The following HTRA3 variants were observed in gnomAD, a reference collection of about 807,000 sequenced individuals.
The protein encoded by HTRA3 is HtrA serine peptidase 3, also known as serine protease HTRA3.
A neutral mutation model predicts 43.2 loss-of-function variants in HTRA3; 41 were observed. The ratio of observed to expected loss-of-function variants is 0.95; its 90% CI spans 0.74 to 1.23. HTRA3 has a LOEUF of 1.23. Among genes scored for constraint, HTRA3 ranks in the 50% most tolerant of loss-of-function variants. The pLI is 0.00. For missense variants in HTRA3, 628 were observed against 647.1 expected, an observed-to-expected ratio of 0.97 and a Z score of 0.32; for synonymous variants, 295 against 287.9, an observed-to-expected ratio of 1.02 and a Z score of -0.25.
At chr4:8,278,765 C>A (rs1039878761) in intron 1 of HTRA3, among the ~76,000 whole-genome samples, 2 of 152,214 alleles carry the variant, frequency 1.3e-5, no homozygotes, top group African/African-American at 4.8e-5. Context: ...CAGCGCCAGG[C>A]CTGCCCTCCC....
rs76982002 is a variant in HTRA3 at position 8,285,351 on chromosome 4, G to A, written c.486-1210G>A. ...CTGCCTGCCTCAGAGGGAGCACAGG[G>A]TGGCATTCGCTGCCATCTCTGGTCC... On this transcript the variant is annotated intron_variant, in intron 2 of 8. Coordinates refer to ENST00000307358, the MANE Select transcript of HTRA3 (RefSeq NM_053044.5). 5.6e-3 allele frequency among the ~76,000 whole-genome samples: 850 copies of A among 152,316 alleles called. 7 individuals are homozygous for A. The highest frequency in any genetic ancestry group is 9.0e-3 in the Non-Finnish European group (613 of 68,038).
chr4:8,302,511 GGTGA>G lies in HTRA3; in HGVS notation c.1100+4_1100+7del, dbSNP rs1713691281. The G allele has an allele frequency of 6.2e-7, 1 of 1,613,782 alleles. No homozygotes were observed. Among genetic ancestry groups the G allele is most frequent in the African/African-American group, 1.3e-5 (1 of 74,860 alleles). On this transcript the variant is annotated splice_donor_variant and splice_donor_region_variant and intron_variant, in intron 7 of 8. Transcript: ENST00000307358. LOFTEE classifies it high-confidence loss of function. ...ATACGGATGCGGACGATCACACCAAGGTGAGTGTCTGAAGAGTGCCATCCCCTGC... is the reference window on the plus strand; with the variant it reads ...ATACGGATGCGGACGATCACACCAAGGTGTCTGAAGAGTGCCATCCCCTGC...
intron 4 of HTRA3, among the ~76,000 whole-genome samples, 156 bp downstream of exon 4, chr4:8,291,720 G>A (rs942407841): frequency 2.6e-5 from 4 of 152,200 alleles, no homozygotes; most frequent in Non-Finnish European, 5.9e-5. Flanking sequence ...ATTCGGTGGA[G>A]CTCTAACCCT....
chr4:8,292,247 C>G (rs4235258), intron 4 of HTRA3, 74 bp from the exon 5 acceptor site: 6 of 1,326,178 alleles, frequency 4.5e-6, no homozygotes, highest in Non-Finnish European at 6.4e-6. Context: ...TGGTTAGAGG[C>G]AGATCTGGAG....
intron 1 of HTRA3, among the ~76,000 whole-genome samples, chr4:8,280,946 G>A (rs1399213431): frequency 1.3e-5 from 2 of 152,206 alleles, no homozygotes; most frequent in African/African-American, 4.8e-5. Flanking sequence ...GGAGCTGCAG[G>A]GCAGAGGTGG....
At chr4:8,298,585 G>C (rs949592177) in intron 6 of HTRA3, among the ~76,000 whole-genome samples, 2 of 151,982 alleles carry the variant, frequency 1.3e-5, no homozygotes, top group African/African-American at 4.8e-5. Flanking sequence ...CCCAAGATCA[G>C]AAAGATTTTT....
At chr4:8,276,771 T>G (rs1394087930) in intron 1 of HTRA3, among the ~76,000 whole-genome samples, 3 of 152,218 alleles carry the variant, frequency 2.0e-5, no homozygotes, top group African/African-American at 7.2e-5. Flanking sequence ...GTTGAGCTTT[T>G]CTGGGGCTGG....
At position 8,296,589 on chromosome 4, in the gene HTRA3, T is replaced by C. The variant is rs114696008; in HGVS notation, c.1051+2388T>C. The C allele has an allele frequency of 2.4e-3, 2,260 of 945,594 alleles. 47 individuals carry two copies. The African/African-American group carries it at 0.037, about 16-fold the overall frequency. The allele number at this position is 945,594 out of a possible 1,614,324, so 58.6% of individuals were successfully genotyped here. ...GGGTGCAGAGGCCTCTGAGGGGCTT[T>C]CAGGGTAAAGAGTGGCCACCATGCA... On this transcript the variant is annotated intron_variant, in intron 6 of 8. Coordinates refer to ENST00000307358, the MANE Select transcript of HTRA3 (RefSeq NM_053044.5). This position sits in a 1 kb window ranked among gnomAD's most constrained non-coding sequence, Gnocchi z 5.3.
intron 1 of HTRA3, 100 bp downstream of exon 1, chr4:8,270,453 C>T: frequency 2.4e-6 from 3 of 1,274,086 alleles, no homozygotes; most frequent in Non-Finnish European, 3.0e-6. Context: ...TCCCTGGGCA[C>T]CACCGGGTGG....
intron 1 of HTRA3, among the ~76,000 whole-genome samples, chr4:8,276,658 G>A (rs1004932812): frequency 2.0e-5 from 3 of 152,228 alleles, no homozygotes; most frequent in South Asian, 2.1e-4. Flanking sequence ...GCAGGCTGGC[G>A]GCAGCACCTC....
chr4:8,272,605 T>C (rs535922205), intron 1 of HTRA3, among the ~76,000 whole-genome samples: 51 of 152,332 alleles, frequency 3.3e-4, no homozygotes, highest in Admixed American at 9.8e-4. Flanking sequence ...TTTCATATGT[T>C]GTTATCACTG....
intron 1 of HTRA3, among the ~76,000 whole-genome samples, chr4:8,280,106 G>A (rs990006475): frequency 6.6e-6 from 1 of 152,200 alleles, no homozygotes; most frequent in African/African-American, 2.4e-5. Context: ...GGTCGTGCAG[G>A]GGGAGGTGTA....
In HTRA3 at chr4:8,270,310, C is replaced by G; in HGVS notation, c.342C>G (p.Ser114=). ...CCAGCCGCCGCGCGCTGCAGCTCTC[C>G]GGGACGCCCGTGCGCCAGCTGCAGA... ...QAASRRALQL[S]GTPVRQLQKG... The change falls in exon 1 of 9, where the codon TCC becomes TCG. Residue 114 remains serine (S), a synonymous_variant. Coordinates refer to ENST00000307358, the MANE Select transcript of HTRA3 (RefSeq NM_053044.5). 1.4e-6 allele frequency: 2 copies of G among 1,466,830 alleles called. No homozygotes were observed. The allele number at this position is 1,466,830 out of a possible 1,614,324, so 90.9% of individuals were successfully genotyped here.
chr4:8,305,952 C>G lies in HTRA3; in HGVS notation c.1197-19C>G. 2 of 1,610,878 alleles carry G rather than the reference C, an allele frequency of 1.2e-6. No homozygotes were observed. The highest frequency in any genetic ancestry group is 1.7e-6 in the Non-Finnish European group (2 of 1,179,116). On this transcript the variant is annotated intron_variant, in intron 8 of 8. Coordinates refer to ENST00000307358, the MANE Select transcript of HTRA3 (RefSeq NM_053044.5). ...CCTGGGGAGGCGGTGGGTGGTGACC[C>G]CGTCTCTCCTGTTGGCAGAGGCGGC...
At chr4:8,281,223 AC>A (rs1712730634) in intron 1 of HTRA3, among the ~76,000 whole-genome samples, 1 of 152,188 alleles carries the variant, frequency 6.6e-6, no homozygotes, top group Non-Finnish European at 1.5e-5. Flanking sequence ...CCACCATGGT[AC>A]CTTCGTGCCT....
intron 3 of HTRA3, among the ~76,000 whole-genome samples, chr4:8,289,873 G>A (rs1356677349): frequency 1.4e-5 from 2 of 144,240 alleles, no homozygotes; most frequent in Non-Finnish European, 3.0e-5. Context: ...GGTGCAGGGA[G>A]GATGGGCTGA....
intron 6 of HTRA3, among the ~76,000 whole-genome samples, chr4:8,300,247 G>A (rs1263609610): frequency 6.6e-6 from 1 of 152,238 alleles, no homozygotes; most frequent in African/African-American, 2.4e-5. Flanking sequence ...TTTGTATTCA[G>A]ATAAGGAGGT....
chr4:8,270,194 T>G lies in HTRA3; in HGVS notation c.226T>G (p.Cys76Gly). The G allele has an allele frequency of 6.5e-7, 1 of 1,540,162 alleles. No homozygotes were observed. The highest frequency in any genetic ancestry group is 8.7e-7 in the Non-Finnish European group (1 of 1,155,680). The change falls in exon 1 of 9, where the codon TGC becomes GGC. Residue 76 changes from cysteine (C) to glycine (G), a missense_variant. Cys to Gly is a radical substitution (Grantham distance 159). Transcript: ENST00000307358. ...CTCGCCTTGCGGCGAGAGCCTGGAG[T>G]GCGTGCGCGGCCTATGCCGCTGCCG... ...LDSPCGESLE[C>G]VRGLCRCRWS...
At position 8,292,567 on chromosome 4, in the gene HTRA3, C is replaced by G. The variant is rs188716305; in HGVS notation, c.936+214C>G. 1.4e-4 allele frequency among the ~76,000 whole-genome samples: 22 copies of G among 152,330 alleles called. No homozygotes were observed. The East Asian group carries it at 4.1e-3, about 28-fold the overall frequency. ...CTAGTGGCCACCAGGAATGAGGACT[C>G]ACCCATGAGCAGCAGCTCAGTCCAG... On this transcript the variant is annotated intron_variant, in intron 5 of 8. Coordinates refer to ENST00000307358, the MANE Select transcript of HTRA3 (RefSeq NM_053044.5).
Sources: gnomAD v4.1 joint callset for allele counts (sites outside exome capture counted in the v4.1 genomes callset) on GRCh38, gnomAD v4.1.1 for gene constraint, Gnocchi (gnomAD v3.1) non-coding constraint, MANE v1.5 for transcripts, NCBI Gene and HGNC (gene_info 2026-07-23, HGNC 2026-07-21) for gene names.